Variants in WDFY2 observed in about 807,000 individuals in gnomAD.
WDFY2 encodes WD repeat and FYVE domain containing 2.
In WDFY2, 36 loss-of-function variants were observed where a neutral mutation model predicts 56.4. The ratio of observed to expected loss-of-function variants is 0.64; its 90% confidence interval spans 0.49 to 0.84. The LOEUF (loss-of-function observed/expected upper bound fraction) is 0.84, where lower values mean the gene tolerates loss of function less well. WDFY2 is among the 40% of genes least tolerant of loss of function. The probability of loss-of-function intolerance (pLI) is 0.00; values close to 1 mark genes in which losing one functional copy is unlikely to be tolerated. For missense variants in WDFY2, 444 were observed against 512.2 expected (o/e 0.87, Z 1.29); for synonymous variants, 176 against 183.7 (o/e 0.96, Z 0.34).
chr13:51,676,627 C>G (rs1347429190), intron 3 of WDFY2, among the ~76,000 whole-genome samples: 1 of 152,140 alleles, frequency 6.6e-6, no homozygotes, highest in Non-Finnish European at 1.5e-5. Flanking sequence ...GGTGTCCTTT[C>G]TGTGACTATT....
At chr13:51,701,878 C>G (rs1319717420) in intron 3 of WDFY2, among the ~76,000 whole-genome samples, 1 of 151,972 alleles carries the variant, frequency 6.6e-6, no homozygotes, top group Non-Finnish European at 1.5e-5. Context: ...TATTTGGGAC[C>G]CTGTAAAGTT....
At chr13:51,668,390 T>A (rs1955750413) in intron 2 of WDFY2, among the ~76,000 whole-genome samples, 1 of 152,194 alleles carries the variant, frequency 6.6e-6, no homozygotes, top group African/African-American at 2.4e-5. Context: ...GCTTTGCTGT[T>A]ATTACTCAGC....
chr13:51,709,926 T>C (rs1206752904), intron 4 of WDFY2, among the ~76,000 whole-genome samples: 5 of 152,060 alleles, frequency 3.3e-5, no homozygotes, highest in African/African-American at 7.2e-5. Context: ...TCCTCCCCAA[T>C]TCATTTTATG....
At chr13:51,654,761 T>C (rs1194906645) in intron 1 of WDFY2, among the ~76,000 whole-genome samples, 1 of 152,230 alleles carries the variant, frequency 6.6e-6, no homozygotes, top group Non-Finnish European at 1.5e-5. Flanking sequence ...TATGGCACTT[T>C]TGATCTCTAA....
intron 7 of WDFY2, among the ~76,000 whole-genome samples, chr13:51,749,006 T>C (rs1265078283): frequency 1.3e-5 from 2 of 152,212 alleles, no homozygotes; most frequent in Non-Finnish European, 2.9e-5. Context: ...ATAAGTGATA[T>C]TATGATTATG....
At chr13:51,621,558 T>C (rs1025714433) in intron 1 of WDFY2, among the ~76,000 whole-genome samples, 2 of 152,106 alleles carry the variant, frequency 1.3e-5, no homozygotes, top group African/African-American at 4.8e-5. Flanking sequence ...ATTAAAGGGG[T>C]ATCAGTTACC....
intron 4 of WDFY2, among the ~76,000 whole-genome samples, chr13:51,716,362 G>T (rs957824337): frequency 6.6e-6 from 1 of 152,188 alleles, no homozygotes; most frequent in African/African-American, 2.4e-5. Flanking sequence ...GGTGAATTTT[G>T]TGTTATGTGA....
At chr13:51,723,617 T>G (rs998373831) in intron 5 of WDFY2, among the ~76,000 whole-genome samples, 1 of 152,178 alleles carries the variant, frequency 6.6e-6, no homozygotes, top group Non-Finnish European at 1.5e-5. Context: ...TAATCTTGAT[T>G]TCATTCAGAT....
chr13:51,637,103 T>A (rs1195045844), intron 1 of WDFY2, among the ~76,000 whole-genome samples: 1 of 152,214 alleles, frequency 6.6e-6, no homozygotes, highest in Non-Finnish European at 1.5e-5. Flanking sequence ...CTATAAGGTG[T>A]GTTAGTTTTG....
At chr13:51,654,185 G>A (rs1051731932) in intron 1 of WDFY2, among the ~76,000 whole-genome samples, 1 of 152,192 alleles carries the variant, frequency 6.6e-6, no homozygotes, top group Non-Finnish European at 1.5e-5. Context: ...GGCTCCGTGG[G>A]CGTAGGACCC....
intron 2 of WDFY2, among the ~76,000 whole-genome samples, chr13:51,662,342 A>G (rs979507162): frequency 6.6e-6 from 1 of 152,068 alleles, no homozygotes; most frequent in African/African-American, 2.4e-5. Context: ...CACAGTATCT[A>G]ACTGTAAGAG....
intron 6 of WDFY2, among the ~76,000 whole-genome samples, chr13:51,737,803 G>GT (rs987106449): frequency 6.6e-6 from 1 of 152,150 alleles, no homozygotes; most frequent in African/African-American, 2.4e-5. Context: ...GTGGTCGGGG[G>GT]TGAGGGCTGG....
chr13:51,723,533 A>G (rs2138641511), intron 5 of WDFY2, among the ~76,000 whole-genome samples: 1 of 152,128 alleles, frequency 6.6e-6, no homozygotes, highest in African/African-American at 2.4e-5. Flanking sequence ...CCCATATTCT[A>G]AATTGATGTC....
intron 1 of WDFY2, among the ~76,000 whole-genome samples, chr13:51,621,718 C>T (rs759331679): frequency 2.0e-5 from 3 of 152,112 alleles, no homozygotes; most frequent in East Asian, 3.9e-4. Flanking sequence ...TGGCCAGATT[C>T]GTCCTTTTGG....
In WDFY2 at chr13:51,758,293, T is replaced by C; in HGVS notation, c.1166T>C (p.Val389Ala). ...TTACTGACTTCTGGAACTGACAAGGTTATTAAGGTAAGATGCCATCTTATT... is the reference window on the plus strand; with the variant it reads ...TTACTGACTTCTGGAACTGACAAGGCTATTAAGGTAAGATGCCATCTTATT... Reference protein sequence around the residue: ...GWLLTSGTDKVIKLWDMTPVV... With the variant: ...GWLLTSGTDKAIKLWDMTPVV... The change falls in exon 11 of 12, where the codon GTT becomes GCT. Residue 389 changes from valine to alanine, a missense_variant. Val to Ala is a moderately conservative substitution (Grantham distance 64, BLOSUM62 0). Transcript: ENST00000298125. 6.3e-7 allele frequency: 1 copy of C among 1,588,096 alleles called. No homozygotes were observed. The highest frequency in any genetic ancestry group is 1.1e-5 in the South Asian group (1 of 88,824).
intron 1 of WDFY2, among the ~76,000 whole-genome samples, chr13:51,610,727 T>G (rs559313680): frequency 7.2e-5 from 11 of 152,360 alleles, no homozygotes; most frequent in South Asian, 4.1e-4. Context: ...TAGTCTGCTC[T>G]TATGATTGAT....
intron 4 of WDFY2, among the ~76,000 whole-genome samples, chr13:51,706,007 A>G (rs529601628): frequency 3.5e-4 from 54 of 152,312 alleles, no homozygotes; most frequent in African/African-American, 1.3e-3. Flanking sequence ...TGTCTTTGTT[A>G]AAATAATGTT....
intron 3 of WDFY2, among the ~76,000 whole-genome samples, chr13:51,686,233 T>G (rs1290041399): frequency 6.6e-6 from 1 of 152,138 alleles, no homozygotes; most frequent in Non-Finnish European, 1.5e-5. Context: ...GTTGGTTAAC[T>G]TCACATACTC....
chr13:51,677,074 A>T (rs1034379463), intron 3 of WDFY2, among the ~76,000 whole-genome samples: 2 of 152,224 alleles, frequency 1.3e-5, no homozygotes, highest in African/African-American at 2.4e-5. Flanking sequence ...AAAGTAAGTT[A>T]TGGAGAATTC....
Sources: allele counts gnomAD v4.1 joint callset (sites outside exome capture counted in the v4.1 genomes callset), GRCh38; gene constraint gnomAD v4.1.1; transcripts MANE v1.5; gene names NCBI Gene and HGNC (gene_info 2026-07-23, HGNC 2026-07-21).